The following TMPRSS9 variants were observed in gnomAD, a reference collection of about 807,000 sequenced individuals.
TMPRSS9 encodes transmembrane protease serine 9.
A neutral mutation model predicts 111.4 loss-of-function variants in TMPRSS9; 113 were observed. The observed-to-expected ratio is 1.01, with a 90% CI of 0.87 to 1.19. The LOEUF (loss-of-function observed/expected upper bound fraction) is 1.19, where lower values mean the gene tolerates loss of function less well. TMPRSS9 is among the 50% of genes most tolerant of loss of function. The pLI is 0.00. For missense variants in TMPRSS9, 1,803 were observed against 1,513.1 expected (o/e 1.19, Z -3.18); for synonymous variants, 805 against 659.1 (o/e 1.22, Z -3.39).
upstream of TMPRSS9, among the ~76,000 whole-genome samples, chr19:2,386,150 A>G (rs933055619): frequency 2.6e-5 from 4 of 151,998 alleles, no homozygotes; most frequent in African/African-American, 7.2e-5. Context: ...GGGTCTTGCT[A>G]TGTTGCCCAG....
At chr19:2,399,280 TC>T (rs1441589514) in intron 4 of TMPRSS9, 87 bp downstream of exon 5, 5 of 1,463,740 alleles carry the variant, frequency 3.4e-6, no homozygotes, top group Non-Finnish European at 3.6e-6. Context: ...AACCACCCCT[TC>T]CCATAAAAAG....
chr19:2,367,696 T>C (rs1176331547), intron 1 of TMPRSS9, among the ~76,000 whole-genome samples: 1 of 152,118 alleles, frequency 6.6e-6, no homozygotes, highest in Non-Finnish European at 1.5e-5. Context: ...CCCAAGTAGC[T>C]GGGACTACAG....
At chr19:2,391,316 C>T (rs968837321) in intron 1 of TMPRSS9, among the ~76,000 whole-genome samples, 8 of 143,894 alleles carry the variant, frequency 5.6e-5, no homozygotes. Context: ...GAAATGCTCT[C>T]GTGTGGCAAA....
chr19:2,402,957 G>GAAAGA, intron 5 of TMPRSS9, 125 bp from the exon 7 acceptor site: 2 of 709,144 alleles, frequency 2.8e-6, no homozygotes, highest in Non-Finnish European at 4.9e-6. Flanking sequence ...CAAGGAAAAG[G>GAAAGA]AAAGAAAAGG....
At chr19:2,408,660 C>G (rs929986592) in intron 8 of TMPRSS9, 30 bp downstream of exon 9, 6 of 1,592,154 alleles carry the variant, frequency 3.8e-6, no homozygotes, top group Non-Finnish European at 5.1e-6. Flanking sequence ...TGCAAGTGAG[C>G]TCAGGCAGGC....
chr19:2,364,725 C>T (rs1335361092), intron 1 of TMPRSS9, among the ~76,000 whole-genome samples: 1 of 151,988 alleles, frequency 6.6e-6, no homozygotes, highest in Non-Finnish European at 1.5e-5. Context: ...GTGGCTCACG[C>T]CTGTAATCCC....
At chr19:2,388,738 A>G (rs2145278007), upstream of TMPRSS9, among the ~76,000 whole-genome samples, 1 of 152,210 alleles carries the variant, frequency 6.6e-6, no homozygotes, top group Admixed American at 6.5e-5. Context: ...CTCCTGCCTC[A>G]GCCTCCTGAG....
intron 1 of TMPRSS9, among the ~76,000 whole-genome samples, chr19:2,393,290 T>A (rs1249004654): frequency 6.6e-6 from 1 of 152,058 alleles, no homozygotes; most frequent in South Asian, 2.1e-4. Flanking sequence ...GCAGTTTCAC[T>A]CCTGAGGCCA....
intron 6 of TMPRSS9, among the ~76,000 whole-genome samples, chr19:2,403,682 C>A (rs1382256610): frequency 6.8e-6 from 1 of 147,708 alleles, no homozygotes; most frequent in African/African-American, 2.5e-5. Context: ...TATAGTGAGA[C>A]CCCATCTCTA....
At chr19:2,417,936 G>A (rs547139864) in intron 12 of TMPRSS9, 66 bp from the exon 14 acceptor site, 188 of 1,591,464 alleles carry the variant, frequency 1.2e-4, no homozygotes, top group Admixed American at 1.1e-3. Context: ...GGCTGTTATC[G>A]GAGCGGAACT....
chr19:2,416,442 G>A lies in TMPRSS9; in HGVS notation c.1746-96G>A, dbSNP rs1169986532. 6.1e-6 allele frequency: 9 copies of A among 1,477,222 alleles called. No homozygotes were observed. In the African/African-American group the frequency reaches 1.2e-4, roughly 20 times the overall value. 91.5% of individuals were successfully genotyped at this position (1,477,222 alleles called of 1,614,324 possible). A position where few individuals can be genotyped will look rare whatever the true frequency, so the allele number is the denominator to read the frequency against. ...ATGGTCCTGGGGCCCAGGCAGCCCT[G>A]TGTGGCTTCCTGGGGGTGTGCATCA... On this transcript the variant is annotated intron_variant, in intron 11 of 17. Transcript: ENST00000648592.
chr19:2,423,151 G>A (rs182915215), intron 14 of TMPRSS9, among the ~76,000 whole-genome samples: 1 of 151,870 alleles, frequency 6.6e-6, no homozygotes, highest in African/African-American at 2.4e-5. Context: ...CTTGGCAGCT[G>A]CCCTCATGTA....
chr19:2,416,314 G>A (rs1176472148), intron 11 of TMPRSS9: 1 of 590,726 alleles, frequency 1.7e-6, no homozygotes, highest in African/African-American at 1.9e-5. Flanking sequence ...AAGCCTGAGG[G>A]TCCCCTGACT....
At chr19:2,423,106 C>T (rs1971503107) in intron 14 of TMPRSS9, among the ~76,000 whole-genome samples, 1 of 151,704 alleles carries the variant, frequency 6.6e-6, no homozygotes, top group Non-Finnish European at 1.5e-5. Context: ...TGGTTCACAG[C>T]TGTGCCATGT....
At chr19:2,406,805 CT>C (rs112281224) in intron 7 of TMPRSS9, among the ~76,000 whole-genome samples, 2,949 of 139,050 alleles carry the variant, frequency 0.021, 61 homozygotes, top group East Asian at 0.083. Flanking sequence ...TGATATTATC[CT>C]TTTTTTTTTT....
intron 1 of TMPRSS9, among the ~76,000 whole-genome samples, chr19:2,361,639 C>G (rs1453385319): frequency 1.3e-5 from 2 of 152,140 alleles, no homozygotes; most frequent in African/African-American, 4.8e-5. Flanking sequence ...GACCCACATT[C>G]TGGGAATTAG....
intron 14 of TMPRSS9, among the ~76,000 whole-genome samples, chr19:2,422,827 G>A (rs574342657): frequency 3.3e-5 from 5 of 152,310 alleles, no homozygotes; most frequent in Non-Finnish European, 5.9e-5. Flanking sequence ...GGTGGAGGTT[G>A]CAGTGAGCCG....
At chr19:2,426,009 G>C in exon 18 of TMPRSS9, 1 of 1,607,158 alleles carries the variant, frequency 6.2e-7, no homozygotes, top group Non-Finnish European at 8.5e-7. Context: ...GGCTATGGCT[G>C]TGGCCGGCCC....
Position 2,405,495 on chromosome 19 carries a change from C to G in TMPRSS9, c.792C>G (p.Ala264=), listed in dbSNP as rs376794889. The G allele has an allele frequency of 4.4e-6, 7 of 1,604,146 alleles. No homozygotes were observed. In the African/African-American group the frequency reaches 8.1e-5, roughly 19 times the overall value. ...AGAACAAGGAGCACTTCTGTGGGGC[C>G]GCCATCATCAACGCCAGGTGGCTGG... The change falls in exon 7 of 18, where the codon GCC becomes GCG. Residue 264 remains alanine, a synonymous_variant. Coordinates refer to ENST00000648592, the Ensembl canonical transcript of TMPRSS9.
Sources: gnomAD v4.1 joint callset for allele counts (sites outside exome capture counted in the v4.1 genomes callset) on GRCh38, gnomAD v4.1.1 for gene constraint, MANE v1.5 for transcripts, NCBI Gene and HGNC (gene_info 2026-07-23, HGNC 2026-07-21) for gene names.